The following ZDHHC14 variants were observed in gnomAD, a reference collection of about 807,000 sequenced individuals.
ZDHHC14 encodes the protein zDHHC palmitoyltransferase 14.
Under a neutral mutation model 47.7 loss-of-function variants are expected in ZDHHC14, and 16 were observed. That is an observed-to-expected ratio of 0.34 (90% CI 0.23 to 0.51). The LOEUF (loss-of-function observed/expected upper bound fraction) is 0.51, where lower values mean the gene tolerates loss of function less well. Ranked by LOEUF, ZDHHC14 falls within the 20% of genes least tolerant of loss-of-function variation. The pLI is 0.97. For missense variants in ZDHHC14, 515 were observed against 662.5 expected (o/e 0.78, Z 2.44); for synonymous variants, 293 against 278.9 (o/e 1.05, Z -0.50).
intron 1 of ZDHHC14, among the ~76,000 whole-genome samples, chr6:157,536,607 T>C (rs1001438875): frequency 6.6e-6 from 1 of 152,184 alleles, no homozygotes; most frequent in Non-Finnish European, 1.5e-5. Context: ...ATGTTTCTTA[T>C]CCAAATGTTT....
intron 1 of ZDHHC14, among the ~76,000 whole-genome samples, chr6:157,411,920 CAT>C (rs889457811): frequency 6.6e-6 from 1 of 150,810 alleles, no homozygotes; most frequent in Non-Finnish European, 1.5e-5. Context: ...GAGATATATA[CAT>C]ATATATATAT....
intron 1 of ZDHHC14, among the ~76,000 whole-genome samples, chr6:157,382,500 A>AG (rs1777234528): frequency 6.6e-6 from 1 of 152,094 alleles, no homozygotes; most frequent in Non-Finnish European, 1.5e-5. Flanking sequence ...TCCACTTGCA[A>AG]GGGGGGCCAG....
chr6:157,505,625 T>C (rs1780306221), intron 1 of ZDHHC14, among the ~76,000 whole-genome samples: 1 of 152,206 alleles, frequency 6.6e-6, no homozygotes. Context: ...TGTAATCTAT[T>C]TAGGCCAAAG....
chr6:157,587,146 T>G (rs1445416844), intron 2 of ZDHHC14, among the ~76,000 whole-genome samples: 1 of 152,230 alleles, frequency 6.6e-6, no homozygotes, highest in African/African-American at 2.4e-5. Flanking sequence ...AGTTCGTATT[T>G]TATAAAAAGA....
intron 1 of ZDHHC14, among the ~76,000 whole-genome samples, chr6:157,507,856 C>T (rs929934173): frequency 6.6e-6 from 1 of 152,184 alleles, no homozygotes; most frequent in Non-Finnish European, 1.5e-5. Context: ...CATTTTCCTC[C>T]CTGCTTTTGG....
intron 1 of ZDHHC14, among the ~76,000 whole-genome samples, chr6:157,386,166 A>T (rs1163286707): frequency 6.6e-6 from 1 of 152,172 alleles, no homozygotes; most frequent in Non-Finnish European, 1.5e-5. Flanking sequence ...TAGGTTAAGA[A>T]GCAACTGTGA....
intron 1 of ZDHHC14, among the ~76,000 whole-genome samples, chr6:157,538,242 C>T (rs1363969027): frequency 6.6e-6 from 1 of 152,148 alleles, no homozygotes; most frequent in East Asian, 1.9e-4. Context: ...CTTAGAGGTT[C>T]CAGCAAATGC....
chr6:157,447,979 T>A (rs1778719949), intron 1 of ZDHHC14, among the ~76,000 whole-genome samples: 1 of 152,138 alleles, frequency 6.6e-6, no homozygotes, highest in Admixed American at 6.5e-5. Flanking sequence ...TCAAGCGATC[T>A]GCCTGCCTTA....
chr6:157,650,356 G>C (rs1262793547), intron 7 of ZDHHC14, among the ~76,000 whole-genome samples: 2 of 152,196 alleles, frequency 1.3e-5, no homozygotes, highest in East Asian at 3.9e-4. Context: ...TTAATGTCAG[G>C]AGTGGGGGGC....
At chr6:157,514,773 G>C (rs1191966926) in intron 1 of ZDHHC14, among the ~76,000 whole-genome samples, 1 of 152,160 alleles carries the variant, frequency 6.6e-6, no homozygotes, top group Non-Finnish European at 1.5e-5. Flanking sequence ...GGTGGGGAGT[G>C]GGTGATGTCC....
intron 3 of ZDHHC14, among the ~76,000 whole-genome samples, chr6:157,607,755 T>C (rs1201885792): frequency 6.6e-6 from 1 of 151,746 alleles, no homozygotes; most frequent in East Asian, 1.9e-4. Flanking sequence ...CGAGAAATAT[T>C]GGGAAGAAAA....
At chr6:157,459,197 A>G (rs1779006311) in intron 1 of ZDHHC14, among the ~76,000 whole-genome samples, 1 of 152,176 alleles carries the variant, frequency 6.6e-6, no homozygotes, top group Non-Finnish European at 1.5e-5. Context: ...TTTCTCCAGC[A>G]GTGTTGATGA....
At chr6:157,669,388 TGAAA>T (rs1274321630) in intron 8 of ZDHHC14, among the ~76,000 whole-genome samples, 1 of 151,598 alleles carries the variant, frequency 6.6e-6, no homozygotes, top group African/African-American at 2.4e-5. Flanking sequence ...AGAGGAAAGT[TGAAA>T]GAAACAGAGG....
At chr6:157,619,347 C>T (rs1186645979) in intron 3 of ZDHHC14, among the ~76,000 whole-genome samples, 1 of 152,160 alleles carries the variant, frequency 6.6e-6, no homozygotes, top group Non-Finnish European at 1.5e-5. Context: ...GCCAAGATTG[C>T]ACCACTGTAC....
intron 1 of ZDHHC14, among the ~76,000 whole-genome samples, chr6:157,458,849 A>ATTTTTTTTTTGTTTTTTTTTTTTTTTTTT (rs1778992571): frequency 1.2e-5 from 1 of 81,226 alleles, no homozygotes; most frequent in Non-Finnish European, 2.3e-5. Flanking sequence ...ATGTGGGTGG[A>ATTTTTTTTTTGTTTTTTTTTTTTTTTTTT]TTTTTTTTTT....
Position 157,620,241 on chromosome 6 carries a change from G to A in ZDHHC14, c.566-8108G>A, listed in dbSNP as rs142548132. ...GATGGGGACACTGCAGAGTCTCAAG[G>A]TGGCCCAACGCATCACATATGGCGA... On this transcript the variant is annotated intron_variant, in intron 3 of 8. Coordinates refer to ENST00000359775, the MANE Select transcript of ZDHHC14 (RefSeq NM_024630.3). Among the ~76,000 whole-genome samples the A allele has an allele frequency of 1.9e-3, 289 of 152,292 alleles. 1 individual carries two copies. The highest frequency in any genetic ancestry group is 6.4e-3 in the African/African-American group (265 of 41,570).
chr6:157,550,723 TCTC>T (rs1175949505), intron 2 of ZDHHC14, among the ~76,000 whole-genome samples: 2 of 152,224 alleles, frequency 1.3e-5, no homozygotes, highest in African/African-American at 2.4e-5. Flanking sequence ...AGATGTGAAA[TCTC>T]CTCTGTAGAA....
intron 2 of ZDHHC14, among the ~76,000 whole-genome samples, chr6:157,558,449 C>G (rs564341407): frequency 6.6e-6 from 1 of 152,152 alleles, no homozygotes; most frequent in Non-Finnish European, 1.5e-5. Flanking sequence ...AGTAGCCAAT[C>G]GAGAGGGCTG....
At position 157,672,988 on chromosome 6, in the gene ZDHHC14, C is replaced by G. The variant is rs1167380305; in HGVS notation, c.1333C>G (p.Pro445Ala). ...CCAGTTCCTGACGCCCGATGAGGCG[C>G]CCTCGCCCCCCAGGCTACTGGCGGC... ...GHQFLTPDEA[P>A]SPPRLLAAGS... Residue 445 changes from proline (P) to alanine (A), a missense_variant, in exon 9 of 9, where the codon CCC becomes GCC. Pro to Ala is a conservative substitution (Grantham distance 27). This residue lies in a region of ZDHHC14 where 221 missense variants were observed against 233.6 expected (regional missense o/e 0.95). Coordinates refer to ENST00000359775, the MANE Select transcript of ZDHHC14 (RefSeq NM_024630.3). 2 of 1,589,914 alleles carry G rather than the reference C, an allele frequency of 1.3e-6. No individual in the cohort carries two copies. Among genetic ancestry groups the G allele is most frequent in the Non-Finnish European group, 1.7e-6 (2 of 1,172,526 alleles).
Sources: allele counts gnomAD v4.1 joint callset (sites outside exome capture counted in the v4.1 genomes callset), GRCh38; gene constraint gnomAD v4.1.1; regional missense constraint gnomAD v4.1.1; transcripts MANE v1.5; gene names NCBI Gene and HGNC (gene_info 2026-07-23, HGNC 2026-07-21).